The following EIF2AK3 variants were observed in gnomAD, a reference collection of about 807,000 sequenced individuals.
EIF2AK3 encodes the protein eukaryotic translation initiation factor 2 alpha kinase 3, also known as eukaryotic translation initiation factor 2-alpha kinase 3.
In EIF2AK3, 50 loss-of-function variants were observed where a neutral mutation model predicts 113.5. The observed-to-expected ratio is 0.44, with a 90% CI of 0.35 to 0.56. The LOEUF is 0.56. Among genes scored for constraint, EIF2AK3 ranks in the 20% least tolerant of loss-of-function variants. The pLI is 0.00. For synonymous variants in EIF2AK3, 448 were observed against 495.4 expected (o/e 0.90, Z 1.27); for missense variants, 1,185 against 1,378.0 (o/e 0.86, Z 2.22).
intron 14 of EIF2AK3, among the ~76,000 whole-genome samples, chr2:88,569,635 T>G (rs1362448032): frequency 6.6e-6 from 1 of 152,134 alleles, no homozygotes; most frequent in African/African-American, 2.4e-5. Context: ...ACCAATAGTT[T>G]CCAAATGACT....
chr2:88,565,107 G>T (rs547076792), intron 14 of EIF2AK3, among the ~76,000 whole-genome samples: 1 of 151,202 alleles, frequency 6.6e-6, no homozygotes, highest in East Asian at 1.9e-4. Flanking sequence ...CAAGATGTCG[G>T]CTCACTGCAA....
chr2:88,625,310 CACACACACACACACACAG>C (rs1468207642), intron 1 of EIF2AK3, among the ~76,000 whole-genome samples: 1 of 148,630 alleles, frequency 6.7e-6, no homozygotes, highest in African/African-American at 2.4e-5. Context: ...CACACACACA[CACACACACACACACACAG>C]ACATACACAG....
At position 88,557,690 on chromosome 2, in the gene EIF2AK3, G is replaced by C; in HGVS notation, c.*46C>G. 6.3e-7 allele frequency: 1 copy of C among 1,594,120 alleles called. No homozygotes were observed. Among genetic ancestry groups the C allele is most frequent in the Non-Finnish European group, 8.6e-7 (1 of 1,161,826 alleles). ...TTGGACAGGCATATTCTAAGAAGTA[G>C]GCTATTATCTGCATCACCTATTAGG... On this transcript the variant is annotated 3_prime_UTR_variant, in exon 17 of 17. Transcript: ENST00000303236.
intron 2 of EIF2AK3, among the ~76,000 whole-genome samples, chr2:88,598,335 T>G (rs1225116535): frequency 6.6e-6 from 1 of 152,152 alleles, no homozygotes; most frequent in Non-Finnish European, 1.5e-5. Flanking sequence ...CTAGGGTGTC[T>G]CCTTACAGAG....
chr2:88,595,338 T>C, intron 3 of EIF2AK3, 131 bp downstream of exon 3: 1 of 906,418 alleles, frequency 1.1e-6, no homozygotes, highest in Non-Finnish European at 1.7e-6. Context: ...AGTTCTCTTA[T>C]TAAAACAAAT....
At chr2:88,582,141 C>T (rs1389010676) in intron 10 of EIF2AK3, among the ~76,000 whole-genome samples, 1 of 152,134 alleles carries the variant, frequency 6.6e-6, no homozygotes, top group Non-Finnish European at 1.5e-5. Context: ...GAGAGGAACA[C>T]TTCCACCAGG....
intron 2 of EIF2AK3, among the ~76,000 whole-genome samples, chr2:88,597,418 C>T (rs1384348449): frequency 6.6e-6 from 1 of 152,102 alleles, no homozygotes; most frequent in African/African-American, 2.4e-5. Context: ...CAAAAATCTT[C>T]AACAGCTATT....
Position 88,585,950 on chromosome 2 carries a change from T to A in EIF2AK3, c.1541A>T (p.Asp514Val), listed in dbSNP as rs1278900422. ...PHYNKNIRKKDPVLLLHWWKE... is the reference protein window; with the variant it reads ...PHYNKNIRKKVPVLLLHWWKE... ...CCACCAGTGTAAAAGAAGAACAGGATCCTTTTTGCGGATATTCTTGTTGTA... is the reference window on the plus strand; with the variant it reads ...CCACCAGTGTAAAAGAAGAACAGGAACCTTTTTGCGGATATTCTTGTTGTA... Residue 514 changes from aspartate to valine, a missense_variant, in exon 9 of 17, where the codon GAT becomes GTT. Around this residue, in one of 3 missense-constraint regions of EIF2AK3, gnomAD observed 877 missense variants for 1,024.2 expected, o/e 0.86. Transcript: ENST00000303236. The A allele has an allele frequency of 2.5e-6, 4 of 1,614,004 alleles. No individual in the cohort carries two copies. In the African/African-American group the frequency reaches 4.0e-5, roughly 16 times the overall value.
intron 2 of EIF2AK3, among the ~76,000 whole-genome samples, chr2:88,602,146 C>T (rs915582585): frequency 2.6e-5 from 4 of 152,108 alleles, no homozygotes; most frequent in South Asian, 2.1e-4. Context: ...CCACTACTCC[C>T]GGCCTAGTTA....
intron 2 of EIF2AK3, among the ~76,000 whole-genome samples, chr2:88,603,184 CCCTGACTCTA>C (rs750216160): frequency 2.0e-5 from 3 of 152,274 alleles, no homozygotes; most frequent in Non-Finnish European, 4.4e-5. Flanking sequence ...TCCCCTGGGT[CCCTGACTCTA>C]CTACTCATTT....
chr2:88,606,438 T>G (rs557877745), intron 2 of EIF2AK3, among the ~76,000 whole-genome samples: 1 of 152,234 alleles, frequency 6.6e-6, no homozygotes, highest in African/African-American at 2.4e-5. Context: ...AAAATTAAAT[T>G]AAAGCACTGT....
Position 88,574,646 on chromosome 2 carries a change from G to A in EIF2AK3, c.2817+20C>T. The A allele has an allele frequency of 6.2e-7, 1 of 1,613,506 alleles. No individual in the cohort carries two copies. Among genetic ancestry groups the A allele is most frequent in the Non-Finnish European group, 8.5e-7 (1 of 1,179,734 alleles). On this transcript the variant is annotated intron_variant, in intron 13 of 16. Coordinates refer to ENST00000303236, the MANE Select transcript of EIF2AK3 (RefSeq NM_004836.7). ...AACGTCAGATTGAAACCCCAAGGGT[G>A]ATGCTCCACAAATACAGACCTTGAG...
intron 14 of EIF2AK3, among the ~76,000 whole-genome samples, chr2:88,570,374 C>A (rs1674271624): frequency 6.6e-6 from 1 of 152,212 alleles, no homozygotes; most frequent in African/African-American, 2.4e-5. Flanking sequence ...CTCTTCCAGT[C>A]CCTGCCCTGA....
intron 1 of EIF2AK3, among the ~76,000 whole-genome samples, chr2:88,626,351 G>T (rs1029122554): frequency 2.6e-5 from 4 of 152,130 alleles, no homozygotes; most frequent in African/African-American, 9.7e-5. Context: ...GAATTATCCG[G>T]CGTGCTTGTT....
upstream of EIF2AK3, chr2:88,627,494 T>A (rs1675903506): frequency 4.0e-6 from 2 of 499,262 alleles, no homozygotes; most frequent in Admixed American, 4.5e-5. Context: ...GAGCAAACTT[T>A]CCGCGCGTTT....
intron 2 of EIF2AK3, among the ~76,000 whole-genome samples, chr2:88,606,965 AAG>A (rs1316636019): frequency 6.6e-6 from 1 of 152,220 alleles, no homozygotes; most frequent in African/African-American, 2.4e-5. Flanking sequence ...AGAGGAAAAA[AAG>A]GGCATATTTA....
chr2:88,588,894 A>G lies in EIF2AK3; in HGVS notation c.1173T>C (p.Tyr391=), dbSNP rs146949180. 71 of 1,613,728 alleles carry G rather than the reference A, an allele frequency of 4.4e-5. No individual in the cohort carries two copies. In the African/African-American group the frequency reaches 6.7e-4, roughly 15 times the overall value. ...ATENSVYLGM[Y]RGQLYLQSSV... is the part of the protein sequence containing the mutation. ...ATGACTGCAGATACAGCTGGCCTCT[A>G]TACATTCCTGAATCAACCAGAACAT... Residue 391 remains tyrosine, a synonymous_variant, in exon 7 of 17, where the codon TAT becomes TAC. Transcript: ENST00000303236.
intron 8 of EIF2AK3, 66 bp from the exon 9 acceptor site, chr2:88,586,127 T>C: frequency 1.6e-6 from 2 of 1,271,534 alleles, no homozygotes; most frequent in Non-Finnish European, 2.3e-6. Context: ...CTTTAACTAT[T>C]AAAATTTATC....
chr2:88,589,603 A>T (rs1358228028), intron 6 of EIF2AK3, among the ~76,000 whole-genome samples: 2 of 150,988 alleles, frequency 1.3e-5, no homozygotes, highest in African/African-American at 2.4e-5. Flanking sequence ...GACTTTGAGG[A>T]TATATACCTA....
Sources: allele counts gnomAD v4.1 joint callset (sites outside exome capture counted in the v4.1 genomes callset), GRCh38; gene constraint gnomAD v4.1.1; regional missense constraint gnomAD v4.1.1; transcripts MANE v1.5; gene names NCBI Gene and HGNC (gene_info 2026-07-23, HGNC 2026-07-21).